RALGAPB: variants seen among roughly 807,000 people sequenced by gnomAD.
The protein encoded by RALGAPB is Ral GTPase activating protein non-catalytic subunit beta.
Under a neutral mutation model 161.1 loss-of-function variants are expected in RALGAPB, and 25 were observed. The observed-to-expected ratio is 0.16, with a 90% CI of 0.11 to 0.22. The LOEUF is 0.22. RALGAPB is among the 10% of genes least tolerant of loss of function. RALGAPB has a pLI of 1.00. For missense variants in RALGAPB, 1,391 were observed against 1,815.2 expected, an observed-to-expected ratio of 0.77 and a Z score of 4.25; for synonymous variants, 629 against 626.1, an observed-to-expected ratio of 1.00 and a Z score of -0.07.
chr20:38,531,163 G>T lies in RALGAPB; in HGVS notation c.2051-4G>T. On this transcript the variant is annotated splice_polypyrimidine_tract_variant and splice_region_variant and intron_variant, in intron 13 of 29. Coordinates refer to ENST00000262879, the MANE Select transcript of RALGAPB (RefSeq NM_020336.4). ...TATAAAATACTGTTTTATTGTTGTTGTAGGGGCAATGTTAAATATTGTTCA... is the reference window on the plus strand; with the variant it reads ...TATAAAATACTGTTTTATTGTTGTTTTAGGGGCAATGTTAAATATTGTTCA... 1 of 1,601,858 alleles carries T rather than the reference G, an allele frequency of 6.2e-7. No individual in the cohort carries two copies. The highest frequency in any genetic ancestry group is 1.7e-5 in the Admixed American group (1 of 59,736).
intron 18 of RALGAPB, among the ~76,000 whole-genome samples, chr20:38,545,372 T>C (rs1221722909): frequency 2.6e-5 from 4 of 152,222 alleles, no homozygotes; most frequent in Non-Finnish European, 5.9e-5. Flanking sequence ...CATAATATTA[T>C]AACAATCCTA....
Position 38,540,182 on chromosome 20 carries a change from A to G in RALGAPB, c.2562+224A>G, listed in dbSNP as rs1301837740. 2.0e-5 allele frequency among the ~76,000 whole-genome samples: 3 copies of G among 152,222 alleles called. No individual in the cohort carries two copies. The East Asian group carries it at 5.8e-4, about 29-fold the overall frequency. On this transcript the variant is annotated intron_variant, in intron 17 of 29. Transcript: ENST00000262879. The stretch of plus-strand genomic sequence containing the variant: ...ACTCATAGAGAAATTGTTTAGAAAG[A>G]TGAGACCTTGGCTAATTTATCTGAG...
At chr20:38,564,193 G>A (rs762818399) in intron 24 of RALGAPB, among the ~76,000 whole-genome samples, 18 of 152,120 alleles carry the variant, frequency 1.2e-4, no homozygotes, top group East Asian at 1.2e-3. Flanking sequence ...GTGCCTGCCC[G>A]GAGCCCACAC....
chr20:38,540,971 T>G, intron 17 of RALGAPB, 70 bp from the exon 18 acceptor site: 2 of 1,539,096 alleles, frequency 1.3e-6, no homozygotes, highest in South Asian at 2.5e-5. Flanking sequence ...TGTTAGCATT[T>G]GGATGGATTT....
At chr20:38,506,320 T>A (rs1352256943) in intron 5 of RALGAPB, among the ~76,000 whole-genome samples, 1 of 151,990 alleles carries the variant, frequency 6.6e-6, no homozygotes, top group East Asian at 1.9e-4. Context: ...TTGACAGGGT[T>A]TCTTACTCTG....
intron 1 of RALGAPB, among the ~76,000 whole-genome samples, chr20:38,479,220 A>G (rs1219663905): frequency 2.0e-5 from 3 of 152,240 alleles, no homozygotes; most frequent in African/African-American, 7.2e-5. Context: ...CCTAAATCCT[A>G]GGACAAATTT....
chr20:38,537,787 G>A (rs1430755368), intron 16 of RALGAPB: 1 of 152,182 alleles, frequency 6.6e-6, no homozygotes, highest in East Asian at 1.9e-4. Context: ...AGAAGAGGAA[G>A]TTTGATAGCA....
chr20:38,574,023 T>C, intron 28 of RALGAPB, 127 bp from the exon 29 acceptor site: 3 of 963,494 alleles, frequency 3.1e-6, no homozygotes, highest in Non-Finnish European at 4.5e-6. Context: ...CCTTGGCTTT[T>C]CTCAGACCAC....
At position 38,551,025 on chromosome 20, in the gene RALGAPB, G is replaced by A. The variant is rs946933761; in HGVS notation, c.3010-46G>A. 8 of 1,584,518 alleles carry A rather than the reference G, an allele frequency of 5.0e-6. No individual in the cohort carries two copies. The Admixed American group carries it at 6.8e-5, about 14-fold the overall frequency. Reference sequence around the variant, plus strand: ...AGGGAAATACATGTCATTACAGATGGGTATTGGACCCTGTGTAATAAACAT... The same window carrying A: ...AGGGAAATACATGTCATTACAGATGAGTATTGGACCCTGTGTAATAAACAT... On this transcript the variant is annotated intron_variant, in intron 20 of 29. Transcript: ENST00000262879.
chr20:38,476,706 A>G (rs2084813152), intron 1 of RALGAPB, among the ~76,000 whole-genome samples: 1 of 152,198 alleles, frequency 6.6e-6, no homozygotes, highest in South Asian at 2.1e-4. Flanking sequence ...TAATATACCT[A>G]CTGAACAGAA....
Position 38,562,587 on chromosome 20 carries a change from T to G in RALGAPB, c.3587T>G (p.Leu1196Trp). Reference protein sequence around the residue: ...RTVQPHFLEFLLSLGWSVDVG... With the variant: ...RTVQPHFLEFWLSLGWSVDVG... ...GTTCAGCCACATTTCCTAGAATTTT[T>G]GCTTTCCCTTGGCTGGTCAGTAGAT... The change falls in exon 24 of 30, where the codon TTG becomes TGG. Residue 1196 changes from leucine (L) to tryptophan (W), a missense_variant. Transcript: ENST00000262879. The G allele has an allele frequency of 6.2e-7, 1 of 1,613,594 alleles. No homozygotes were observed. Among genetic ancestry groups the G allele is most frequent in the Non-Finnish European group, 8.5e-7 (1 of 1,179,540 alleles).
chr20:38,531,020 T>G (rs2086636528), intron 13 of RALGAPB, 147 bp from the exon 14 acceptor site: 6 of 680,946 alleles, frequency 8.8e-6, no homozygotes, highest in Non-Finnish European at 9.9e-6. Context: ...AAGCTCTTGT[T>G]TAAGAGCCAA....
chr20:38,542,492 A>C (rs976037730), intron 18 of RALGAPB, among the ~76,000 whole-genome samples: 1 of 141,772 alleles, frequency 7.1e-6, no homozygotes. Context: ...CTAGAAAATT[A>C]AAAAAAAATG....
At position 38,492,947 on chromosome 20, in the gene RALGAPB, A is replaced by T; in HGVS notation, c.204A>T (p.Glu68Asp). 6.2e-7 allele frequency: 1 copy of T among 1,609,666 alleles called. No individual in the cohort carries two copies. Among genetic ancestry groups the T allele is most frequent in the Non-Finnish European group, 8.5e-7 (1 of 1,176,112 alleles). The change falls in exon 3 of 30, where the codon GAA becomes GAT. Residue 68 changes from glutamate (E) to aspartate (D), a missense_variant. Glu to Asp is a conservative substitution (Grantham distance 45). Transcript: ENST00000262879. ...TTGTCTAGGTAAAATGGACCATGGA[A>T]GTAATTTGCTATGGACTGACCCTTC... ...KTDKEVKWTMEVICYGLTLPL... is the reference protein window; with the variant it reads ...KTDKEVKWTMDVICYGLTLPL...
rs2088348932 is a variant in RALGAPB at position 38,574,225 on chromosome 20, T to A, written c.4218T>A (p.Ile1406=). The part of the protein sequence containing the change: ...PLNTGLFRIK[I]QGATGKFNMV... ...ACACTGGATTATTCCGGATAAAAATTCAAGGAGCCACTGGAAAATTTAATA... is the reference window on the plus strand; with the variant it reads ...ACACTGGATTATTCCGGATAAAAATACAAGGAGCCACTGGAAAATTTAATA... The change falls in exon 29 of 30, where the codon ATT becomes ATA. Residue 1406 remains isoleucine (I), a synonymous_variant. Transcript: ENST00000262879. 6.2e-7 allele frequency: 1 copy of A among 1,613,840 alleles called. No homozygotes were observed. The highest frequency in any genetic ancestry group is 2.2e-5 in the East Asian group (1 of 44,868).
At chr20:38,562,804 G>A in intron 24 of RALGAPB, 107 bp downstream of exon 24, 1 of 1,305,084 alleles carries the variant, frequency 7.7e-7, no homozygotes, top group African/African-American at 1.5e-5. Flanking sequence ...TACAAAACCA[G>A]GCTGGGTACA....
chr20:38,487,270 A>C (rs970737586), intron 1 of RALGAPB, among the ~76,000 whole-genome samples: 9 of 152,344 alleles, frequency 5.9e-5, no homozygotes, highest in African/African-American at 2.2e-4. Context: ...GTGGCAGTAG[A>C]AGATGAGGCT....
chr20:38,499,372 C>A, intron 4 of RALGAPB, 75 bp from the exon 5 acceptor site: 1 of 1,286,272 alleles, frequency 7.8e-7, no homozygotes, highest in Non-Finnish European at 1.1e-6. Flanking sequence ...TTGACCAGTT[C>A]TCCCAAATCA....
At chr20:38,555,071 G>C (rs2087530097) in intron 22 of RALGAPB, among the ~76,000 whole-genome samples, 1 of 152,260 alleles carries the variant, frequency 6.6e-6, no homozygotes, top group Admixed American at 6.5e-5. Flanking sequence ...TTGACAGAGT[G>C]AGACCCTGTC....
Sources: gnomAD v4.1 joint callset for allele counts (sites outside exome capture counted in the v4.1 genomes callset) on GRCh38, gnomAD v4.1.1 for gene constraint, MANE v1.5 for transcripts, NCBI Gene and HGNC (gene_info 2026-07-23, HGNC 2026-07-21) for gene names.